The following CSMD3 variants were observed in gnomAD, a reference collection of about 807,000 sequenced individuals.
CSMD3 encodes the protein CUB and Sushi multiple domains 3, also known as CUB and sushi domain-containing protein 3.
A neutral mutation model predicts 435.2 loss-of-function variants in CSMD3; 177 were observed. The ratio of observed to expected loss-of-function variants is 0.41; its 90% CI spans 0.36 to 0.46. The LOEUF (loss-of-function observed/expected upper bound fraction) is 0.46. Among genes scored for constraint, CSMD3 ranks in the 20% least tolerant of loss-of-function variants. CSMD3 has a pLI of 0.34. For missense variants in CSMD3, 4,265 were observed against 4,504.6 expected (o/e 0.95, Z 1.52); for synonymous variants, 1,656 against 1,520.5 (o/e 1.09, Z -2.07).
rs149299511 is a variant in CSMD3 at position 112,885,727 on chromosome 8, C to A, written c.1634-26461G>T. ...TCAATAGCTTGTGTAGTCTTCATAT[C>A]TATTTAGTTGTACAAATTATGTCAA... On this transcript the variant is annotated intron_variant, in intron 10 of 70. Coordinates refer to ENST00000297405, the MANE Select transcript of CSMD3 (RefSeq NM_198123.2). Among the ~76,000 whole-genome samples, 415 of 151,860 alleles carry A rather than the reference C, an allele frequency of 2.7e-3. 1 individual carries two copies. The highest frequency in any genetic ancestry group is 4.6e-3 in the Non-Finnish European group (312 of 67,844).
At chr8:113,053,309 T>C (rs1221812609) in intron 5 of CSMD3, among the ~76,000 whole-genome samples, 1 of 152,174 alleles carries the variant, frequency 6.6e-6, no homozygotes, top group Non-Finnish European at 1.5e-5. Context: ...CTTTTTCTAA[T>C]TTTAGCTTTG....
chr8:112,866,476 T>C (rs909970503), intron 10 of CSMD3, among the ~76,000 whole-genome samples: 2 of 152,164 alleles, frequency 1.3e-5, no homozygotes, highest in African/African-American at 4.8e-5. Flanking sequence ...ATCAGAGTAA[T>C]GTTATTATTA....
At chr8:112,244,719 GT>G (rs1281063222) in intron 64 of CSMD3, 146 bp from the exon 65 acceptor site, 13 of 638,762 alleles carry the variant, frequency 2.0e-5, no homozygotes, top group Non-Finnish European at 3.2e-5. Flanking sequence ...TCACAAAAAT[GT>G]TTCAATGCAA....
chr8:112,935,608 T>C (rs2083257065), intron 9 of CSMD3, among the ~76,000 whole-genome samples: 1 of 152,024 alleles, frequency 6.6e-6, no homozygotes, highest in Admixed American at 6.6e-5. Flanking sequence ...CTCACCTTTT[T>C]TGTTAAATTT....
At chr8:113,273,899 A>G (rs989791209) in intron 3 of CSMD3, among the ~76,000 whole-genome samples, 1 of 152,098 alleles carries the variant, frequency 6.6e-6, no homozygotes, top group African/African-American at 2.4e-5. Flanking sequence ...TTATATTTTA[A>G]CTGAATTATT....
At chr8:112,544,385 A>G (rs763403077) in intron 27 of CSMD3, among the ~76,000 whole-genome samples, 1 of 152,160 alleles carries the variant, frequency 6.6e-6, no homozygotes, top group Non-Finnish European at 1.5e-5. Context: ...AATCTGATCC[A>G]TATTTTGGCA....
At chr8:112,513,665 C>G (rs1310743084) in intron 28 of CSMD3, among the ~76,000 whole-genome samples, 1 of 152,154 alleles carries the variant, frequency 6.6e-6, no homozygotes, top group Non-Finnish European at 1.5e-5. Flanking sequence ...TTGCTTGGCA[C>G]AGGGTTGACA....
Position 113,054,396 on chromosome 8 carries a change from G to T in CSMD3, c.918-35217C>A, listed in dbSNP as rs183052477. Reference sequence around the variant, plus strand: ...ATACGTGTTTTTCTCATGAATATATGTACCAATTCTTCAATACATTTTTTT... The same window carrying T: ...ATACGTGTTTTTCTCATGAATATATTTACCAATTCTTCAATACATTTTTTT... On this transcript the variant is annotated intron_variant, in intron 5 of 70. Transcript: ENST00000297405. Among the ~76,000 whole-genome samples, 7 of 152,138 alleles carry T rather than the reference G, an allele frequency of 4.6e-5. No individual in the cohort carries two copies. The East Asian group carries it at 1.4e-3, about 29-fold the overall frequency.
intron 35 of CSMD3, among the ~76,000 whole-genome samples, chr8:112,396,458 A>G (rs1830871673): frequency 6.6e-6 from 1 of 152,286 alleles, no homozygotes; most frequent in East Asian, 1.9e-4. Context: ...CAACATACAT[A>G]TCTTTCCTGC....
At chr8:112,684,193 A>T (rs2075963273) in intron 15 of CSMD3, among the ~76,000 whole-genome samples, 1 of 152,030 alleles carries the variant, frequency 6.6e-6, no homozygotes, top group East Asian at 1.9e-4. Context: ...ATGCATATAC[A>T]TGTCTATCTT....
At chr8:113,026,152 C>A (rs1191374083) in intron 5 of CSMD3, among the ~76,000 whole-genome samples, 2 of 152,142 alleles carry the variant, frequency 1.3e-5, no homozygotes, top group Non-Finnish European at 1.5e-5. Context: ...GTGGGCCTTT[C>A]TTGCAGCAAG....
At chr8:113,131,685 C>T (rs1363780306) in intron 4 of CSMD3, among the ~76,000 whole-genome samples, 4 of 152,148 alleles carry the variant, frequency 2.6e-5, no homozygotes, top group African/African-American at 9.7e-5. Context: ...CCCACTGGGG[C>T]ACTGCCTAGT....
At chr8:113,037,527 G>T (rs1305030995) in intron 5 of CSMD3, among the ~76,000 whole-genome samples, 1 of 151,788 alleles carries the variant, frequency 6.6e-6, no homozygotes, top group African/African-American at 2.4e-5. Context: ...AGCAAAATCT[G>T]GTCTATTTTA....
At chr8:113,359,388 T>C (rs2094255936) in intron 1 of CSMD3, among the ~76,000 whole-genome samples, 1 of 152,158 alleles carries the variant, frequency 6.6e-6, no homozygotes, top group African/African-American at 2.4e-5. Flanking sequence ...AATTGTGTAG[T>C]AAAAGAAGAA....
chr8:113,242,618 A>T (rs1297422866), intron 3 of CSMD3, among the ~76,000 whole-genome samples: 2 of 152,066 alleles, frequency 1.3e-5, no homozygotes, highest in African/African-American at 4.8e-5. Flanking sequence ...TCCTTTGGTA[A>T]CAGAATGGAC....
At chr8:112,499,324 G>A (rs538223239) in intron 30 of CSMD3, among the ~76,000 whole-genome samples, 1 of 152,048 alleles carries the variant, frequency 6.6e-6, no homozygotes, top group South Asian at 2.1e-4. Context: ...TAAACAAAGT[G>A]GTAAAGATTT....
intron 7 of CSMD3, among the ~76,000 whole-genome samples, chr8:112,958,893 G>A (rs1387584084): frequency 1.3e-5 from 2 of 152,052 alleles, no homozygotes; most frequent in African/African-American, 2.4e-5. Flanking sequence ...TTAATGTTAG[G>A]AAATCGATCA....
chr8:112,477,339 T>C (rs1268204525), intron 31 of CSMD3, among the ~76,000 whole-genome samples: 2 of 152,208 alleles, frequency 1.3e-5, no homozygotes, highest in Non-Finnish European at 2.9e-5. Context: ...ATATGACTGC[T>C]ATATGGATTC....
chr8:112,225,810 T>C (rs896089561), intron 70 of CSMD3, among the ~76,000 whole-genome samples: 4 of 152,162 alleles, frequency 2.6e-5, no homozygotes, highest in Admixed American at 6.5e-5. Context: ...ACCAGACACA[T>C]GAATTCTGGG....
Sources: gnomAD v4.1 joint callset for allele counts (sites outside exome capture counted in the v4.1 genomes callset) on GRCh38, gnomAD v4.1.1 for gene constraint, MANE v1.5 for transcripts, NCBI Gene and HGNC (gene_info 2026-07-23, HGNC 2026-07-21) for gene names.